Variants in UROC1 observed in about 807,000 individuals in gnomAD.
UROC1 encodes the protein urocanate hydratase.
Under a neutral mutation model 89.5 loss-of-function variants are expected in UROC1, and 79 were observed. The observed-to-expected ratio is 0.88, with a 90% CI of 0.74 to 1.06. The LOEUF (loss-of-function observed/expected upper bound fraction) is 1.06, where lower values mean the gene tolerates loss of function less well. UROC1 is among the 50% of genes least tolerant of loss of function. The pLI is 0.00. For missense variants in UROC1, 885 were observed against 907.8 expected (o/e 0.97, Z 0.32); for synonymous variants, 361 against 354.8 (o/e 1.02, Z -0.20).
At chr3:126,510,212 G>A (rs1292725313) in intron 2 of UROC1, among the ~76,000 whole-genome samples, 1 of 152,194 alleles carries the variant, frequency 6.6e-6, no homozygotes, top group Non-Finnish European at 1.5e-5. Flanking sequence ...GGTGAAGCCT[G>A]GCAGCCCATG....
intron 9 of UROC1, 24 bp from the exon 10 acceptor site, chr3:126,501,304 A>G: frequency 6.2e-7 from 1 of 1,613,630 alleles, no homozygotes; most frequent in Non-Finnish European, 8.5e-7. Context: ...AAAGCAGAAC[A>G]GGTGCCCCCT....
At chr3:126,500,610 G>C in intron 11 of UROC1, 85 bp downstream of exon 11, 1 of 1,556,362 alleles carries the variant, frequency 6.4e-7, no homozygotes, top group Non-Finnish European at 8.9e-7. Context: ...GCAGCTGGTT[G>C]CTGGAGAACT....
At chr3:126,490,940 C>T (rs764846740) in intron 16 of UROC1, among the ~76,000 whole-genome samples, 3 of 152,190 alleles carry the variant, frequency 2.0e-5, no homozygotes, top group Admixed American at 6.5e-5. Context: ...TTTCAGGTAG[C>T]GCTGGTTGAT....
intron 15 of UROC1, among the ~76,000 whole-genome samples, chr3:126,493,340 A>T (rs1251085639): frequency 6.6e-6 from 1 of 152,140 alleles, no homozygotes; most frequent in African/African-American, 2.4e-5. Context: ...CAGCAGCATG[A>T]CAACAGCTGA....
At chr3:126,500,979 A>C in intron 10 of UROC1, 105 bp from the exon 11 acceptor site, 1 of 1,488,904 alleles carries the variant, frequency 6.7e-7, no homozygotes, top group Non-Finnish European at 9.2e-7. Flanking sequence ...CCACAAATCC[A>C]GCAGGCACAG....
At chr3:126,517,413 C>T (rs556780920) in intron 1 of UROC1, among the ~76,000 whole-genome samples, 181 bp downstream of exon 1, 3 of 152,236 alleles carry the variant, frequency 2.0e-5, no homozygotes, top group Middle Eastern at 3.4e-3. Context: ...CACCCAAGGG[C>T]GGCTGCATCC....
chr3:126,501,891 C>T, intron 9 of UROC1: 1 of 1,599,406 alleles, frequency 6.3e-7, no homozygotes, highest in East Asian at 2.2e-5. Context: ...CACACAGTCC[C>T]AGGGCAGCAG....
intron 15 of UROC1, among the ~76,000 whole-genome samples, chr3:126,493,296 A>G (rs59280214): frequency 0.06 from 9,077 of 152,258 alleles, 505 homozygotes; most frequent in African/African-American, 0.15. Flanking sequence ...GAAGCCCCCA[A>G]TGACTCCAAG....
chr3:126,502,330 G>C (rs541253757), intron 9 of UROC1, among the ~76,000 whole-genome samples: 1 of 151,222 alleles, frequency 6.6e-6, no homozygotes, highest in South Asian at 2.1e-4. Context: ...GTGTGCATGT[G>C]TGTTGTGTGC....
rs200240402 is a variant in UROC1 at position 126,508,113 on chromosome 3, C to T, written c.412-18G>A. The T allele has an allele frequency of 2.4e-5, 39 of 1,613,316 alleles. No homozygotes were observed. The highest frequency in any genetic ancestry group is 3.0e-5 in the Non-Finnish European group (35 of 1,180,004). On this transcript the variant is annotated intron_variant, in intron 4 of 19. Transcript: ENST00000290868. ...AGCCAGAACTGGGGGAAGAGCAGAGCGTGGGGATTCTGTCAACAGAAGCAG... is the reference window on the plus strand; with the variant it reads ...AGCCAGAACTGGGGGAAGAGCAGAGTGTGGGGATTCTGTCAACAGAAGCAG...
Position 126,504,089 on chromosome 3 carries a change from G to C in UROC1, c.814-6C>G. Reference sequence around the variant, plus strand: ...TCAAGGGCTGCTTTATCCACCTGGGGCCATGAGACATGGGGCCACGAGACA... The same window carrying C: ...TCAAGGGCTGCTTTATCCACCTGGGCCCATGAGACATGGGGCCACGAGACA... On this transcript the variant is annotated splice_region_variant and splice_polypyrimidine_tract_variant and intron_variant, in intron 8 of 19. Transcript: ENST00000290868. 1 of 1,613,932 alleles carries C rather than the reference G, an allele frequency of 6.2e-7. No homozygotes were observed. The highest frequency in any genetic ancestry group is 8.5e-7 in the Non-Finnish European group (1 of 1,179,986).
At chr3:126,501,522 G>A (rs1275603452) in intron 9 of UROC1, among the ~76,000 whole-genome samples, 1 of 152,226 alleles carries the variant, frequency 6.6e-6, no homozygotes, top group African/African-American at 2.4e-5. Flanking sequence ...AAACCCACAT[G>A]GCAGTGGCAA....
intron 15 of UROC1, 25 bp from the exon 16 acceptor site, chr3:126,492,541 T>C: frequency 1.9e-6 from 3 of 1,591,754 alleles, no homozygotes; most frequent in South Asian, 1.1e-5. Context: ...GCAACTGGCA[T>C]CTCAGCCAAC....
intron 11 of UROC1, 88 bp from the exon 12 acceptor site, chr3:126,500,242 C>T (rs1045092983): frequency 7.2e-5 from 95 of 1,324,528 alleles, no homozygotes; most frequent in Non-Finnish European, 9.8e-5. Flanking sequence ...CCATGCTCCC[C>T]ACCAACTTCC....
chr3:126,493,690 A>G (rs931096152), intron 15 of UROC1, among the ~76,000 whole-genome samples: 3 of 152,202 alleles, frequency 2.0e-5, no homozygotes, highest in Admixed American at 2.0e-4. Flanking sequence ...ATGTGCTTGA[A>G]GCCACTGCAC....
chr3:126,503,902 G>A lies in UROC1; in HGVS notation c.902+93C>T. ...TAGCCAGCTGTCAGGCATTAAACAG[G>A]CCCACACCAAGCTGCCCCATGGGGG... On this transcript the variant is annotated intron_variant, in intron 9 of 19. Transcript: ENST00000290868. 2.8e-6 allele frequency: 4 copies of A among 1,405,948 alleles called. No homozygotes were observed. The Admixed American group carries it at 6.7e-5, about 24-fold the overall frequency. The allele number at this position is 1,405,948 out of a possible 1,614,324, so 87.1% of individuals were successfully genotyped here. A position where few individuals can be genotyped will look rare whatever the true frequency, so the allele number is the denominator to read the frequency against.
chr3:126,510,358 TA>T (rs1393688164), intron 2 of UROC1, among the ~76,000 whole-genome samples: 2 of 152,252 alleles, frequency 1.3e-5, no homozygotes, highest in Non-Finnish European at 2.9e-5. Flanking sequence ...CCATGGTTTT[TA>T]AAAGGGGTTT....
At chr3:126,494,270 C>T (rs903841969) in intron 15 of UROC1, among the ~76,000 whole-genome samples, 17 of 152,220 alleles carry the variant, frequency 1.1e-4, no homozygotes, top group African/African-American at 2.7e-4. Context: ...TCAAAGCAGA[C>T]GCACCCTGCT....
chr3:126,506,139 C>T, intron 6 of UROC1, 128 bp from the exon 7 acceptor site: 2 of 1,015,798 alleles, frequency 2.0e-6, no homozygotes, highest in South Asian at 2.8e-5. Flanking sequence ...TATTCTCCTT[C>T]ACATAAAATA....
Sources: gnomAD v4.1 joint callset for allele counts (sites outside exome capture counted in the v4.1 genomes callset) on GRCh38, gnomAD v4.1.1 for gene constraint, MANE v1.5 for transcripts, NCBI Gene and HGNC (gene_info 2026-07-23, HGNC 2026-07-21) for gene names.